Variants in SLC23A2 observed in about 807,000 individuals in gnomAD.
The protein encoded by SLC23A2 is Na(+)/L-ascorbic acid transporter 2.
A neutral mutation model predicts 73.3 loss-of-function variants in SLC23A2; 36 were observed. The observed-to-expected ratio is 0.49, with a 90% CI of 0.38 to 0.65. SLC23A2 has a LOEUF of 0.65. Among genes scored for constraint, SLC23A2 ranks in the 30% least tolerant of loss-of-function variants. The pLI is 0.00. For missense variants in SLC23A2, 507 were observed against 841.6 expected, an observed-to-expected ratio of 0.60 and a Z score of 4.92; for synonymous variants, 343 against 327.3, an observed-to-expected ratio of 1.05 and a Z score of -0.52.
upstream of SLC23A2, among the ~76,000 whole-genome samples, chr20:5,003,962 AC>A (rs1268719753): frequency 6.7e-6 from 1 of 150,234 alleles, no homozygotes; most frequent in Non-Finnish European, 1.5e-5. Flanking sequence ...CTATCCATAC[AC>A]CCCCCTTCCC....
At chr20:4,983,879 C>A (rs1362817935) in intron 1 of SLC23A2, among the ~76,000 whole-genome samples, 1 of 151,034 alleles carries the variant, frequency 6.6e-6, no homozygotes, top group Non-Finnish European at 1.5e-5. Context: ...TTGCTTGAAC[C>A]CGGGAGGCGG....
rs936192216 is a variant in SLC23A2, at chr20:4,902,776, G to A, written c.208-218C>T. ...AATCCTCAGAATTTGGGGGGTCAGC[G>A]TCCTTGGGCAACATCTCATCCCTGA... On this transcript the variant is annotated intron_variant, in intron 4 of 16. Coordinates refer to ENST00000338244, the MANE Select transcript of SLC23A2 (RefSeq NM_005116.6). This position sits in a 1 kb window ranked among gnomAD's most constrained non-coding sequence, Gnocchi z 4.0. 4.5e-4 allele frequency among the ~76,000 whole-genome samples: 68 copies of A among 152,112 alleles called. No individual in the cohort carries two copies. Among genetic ancestry groups the A allele is most frequent in the East Asian group, 9.7e-4 (5 of 5,164 alleles).
chr20:5,003,832 T>C (rs1453892097), upstream of SLC23A2, among the ~76,000 whole-genome samples: 1 of 152,144 alleles, frequency 6.6e-6, no homozygotes, highest in Non-Finnish European at 1.5e-5. Flanking sequence ...TCTGTGACCT[T>C]CTAATTGCCA....
chr20:4,885,197 T>C (rs1427773898), intron 7 of SLC23A2, among the ~76,000 whole-genome samples: 1 of 152,178 alleles, frequency 6.6e-6, no homozygotes, highest in Non-Finnish European at 1.5e-5. Context: ...CTTTTCCAGT[T>C]CCCAGATCAA....
chr20:4,983,496 T>A (rs73612149), intron 1 of SLC23A2, among the ~76,000 whole-genome samples: 14 of 149,948 alleles, frequency 9.3e-5, no homozygotes, highest in South Asian at 6.3e-4. Flanking sequence ...AATACAAAAA[T>A]TTAGCCGGGC....
chr20:4,994,463 T>G (rs2087983231), intron 1 of SLC23A2, among the ~76,000 whole-genome samples: 1 of 152,114 alleles, frequency 6.6e-6, no homozygotes, highest in Non-Finnish European at 1.5e-5. Context: ...AATTTGAGGC[T>G]GAAATCCCAT....
chr20:4,895,041 G>C (rs1931468027), intron 6 of SLC23A2, among the ~76,000 whole-genome samples: 1 of 152,244 alleles, frequency 6.6e-6, no homozygotes, highest in South Asian at 2.1e-4. Flanking sequence ...CAGCGTGACA[G>C]AAATACTGGG....
intron 2 of SLC23A2, among the ~76,000 whole-genome samples, chr20:4,942,374 C>CAAAAA (rs1216270773): frequency 2.1e-5 from 1 of 47,376 alleles, no homozygotes; most frequent in African/African-American, 6.8e-5. Context: ...GCTACAGTCT[C>CAAAAA]AAAAAAAAAA....
chr20:4,981,365 T>C (rs191475637), intron 1 of SLC23A2, among the ~76,000 whole-genome samples: 18 of 152,262 alleles, frequency 1.2e-4, no homozygotes, highest in Admixed American at 1.1e-3. Flanking sequence ...TCCCATTCAG[T>C]CAACTATGAA....
intron 2 of SLC23A2, among the ~76,000 whole-genome samples, chr20:4,948,989 T>G (rs1014053472): frequency 1.3e-5 from 2 of 152,108 alleles, no homozygotes; most frequent in Non-Finnish European, 2.9e-5. Flanking sequence ...AAACTCTGCA[T>G]AGAAGGAAAA....
chr20:4,937,008 G>A (rs1193927622), intron 2 of SLC23A2, among the ~76,000 whole-genome samples: 1 of 152,164 alleles, frequency 6.6e-6, no homozygotes, highest in African/African-American at 2.4e-5. Context: ...CATGGAGGAA[G>A]AACGAAGAAG....
intron 9 of SLC23A2, among the ~76,000 whole-genome samples, chr20:4,882,371 T>C (rs536891721): frequency 6.6e-6 from 1 of 152,078 alleles, no homozygotes; most frequent in South Asian, 2.1e-4. Context: ...CGAGACTCCA[T>C]TGCAAAAAAA....
intron 4 of SLC23A2, among the ~76,000 whole-genome samples, chr20:4,911,723 G>A (rs74850829): frequency 6.6e-6 from 1 of 151,978 alleles, no homozygotes; most frequent in African/African-American, 2.4e-5. Context: ...TCAGAGCTGC[G>A]ATACAATTTG....
chr20:4,955,354 AAAACACACAC>A (rs1162638167), intron 2 of SLC23A2, among the ~76,000 whole-genome samples: 1 of 105,012 alleles, frequency 9.5e-6, no homozygotes, highest in Non-Finnish European at 1.9e-5. Flanking sequence ...AAAATGAGTT[AAAACACACAC>A]ACACACACAC....
intron 13 of SLC23A2, among the ~76,000 whole-genome samples, chr20:4,866,302 A>C (rs2122783574): frequency 6.6e-6 from 1 of 152,378 alleles, no homozygotes; most frequent in Non-Finnish European, 1.5e-5. Flanking sequence ...TAGTTCAGAA[A>C]CAATATTTTT....
intron 9 of SLC23A2, among the ~76,000 whole-genome samples, chr20:4,879,952 A>C (rs577115047): frequency 3.3e-5 from 5 of 152,162 alleles, no homozygotes; most frequent in Admixed American, 1.3e-4. Flanking sequence ...TCTTTTGCGC[A>C]TTTGCATTTT....
At chr20:4,909,278 A>G (rs1329048194) in intron 4 of SLC23A2, among the ~76,000 whole-genome samples, 2 of 152,186 alleles carry the variant, frequency 1.3e-5, no homozygotes, top group Non-Finnish European at 2.9e-5. Flanking sequence ...ATGAGCAAGC[A>G]TTTCCTTTGA....
chr20:4,862,845 C>A lies in SLC23A2; in HGVS notation c.1419G>T (p.Gly473=). ...AALMLALGMI[G]KFSALFASLP... is the part of the protein sequence containing the mutation. ...GGGACGCAAAGAGGGCGCTGAACTT[C>A]CCGATCATGCCCAGAGCGAGCATGA... The change falls in exon 14 of 17, where the codon GGG becomes GGT. Residue 473 remains glycine (G), a synonymous_variant. Coordinates refer to ENST00000338244, the MANE Select transcript of SLC23A2 (RefSeq NM_005116.6). The surrounding 1 kb of genome is among the most constrained non-coding windows in gnomAD (Gnocchi z 5.1). 1 of 1,614,006 alleles carries A rather than the reference C, an allele frequency of 6.2e-7. No homozygotes were observed. The highest frequency in any genetic ancestry group is 8.5e-7 in the Non-Finnish European group (1 of 1,180,004).
intron 12 of SLC23A2, 30 bp downstream of exon 12, chr20:4,869,876 A>C (rs754248698): frequency 6.3e-7 from 1 of 1,599,254 alleles, no homozygotes; most frequent in South Asian, 1.1e-5. Context: ...TGCTGGGACC[A>C]ATCAGGAACT....
Sources: allele counts gnomAD v4.1 joint callset (sites outside exome capture counted in the v4.1 genomes callset), GRCh38; gene constraint gnomAD v4.1.1; non-coding constraint Gnocchi (gnomAD v3.1); transcripts MANE v1.5; gene names NCBI Gene and HGNC (gene_info 2026-07-23, HGNC 2026-07-21).